Variants in CATSPERT observed in about 807,000 individuals in gnomAD.
The protein encoded by CATSPERT is cation channel sperm-associated targeting subunit tau.
chr2:201,568,986 A>G, the CATSPERT span, among the ~76,000 whole-genome samples: 1 of 152,138 alleles, frequency 6.6e-6, no homozygotes, highest in Non-Finnish European at 1.5e-5. Context: ...ATAAATCCTT[A>G]CTCATTGATG....
the CATSPERT span, among the ~76,000 whole-genome samples, chr2:201,599,995 A>C: frequency 6.6e-6 from 1 of 152,084 alleles, no homozygotes; most frequent in Admixed American, 6.6e-5. Flanking sequence ...AACAACAAAA[A>C]CCTATGCTTA....
the CATSPERT span, among the ~76,000 whole-genome samples, chr2:201,552,392 T>C: frequency 3.9e-5 from 6 of 152,114 alleles, no homozygotes; most frequent in African/African-American, 1.4e-4. Flanking sequence ...AATTATGACA[T>C]TACAAGAATA....
At chr2:201,561,645 G>A in the CATSPERT span, among the ~76,000 whole-genome samples, 4 of 152,156 alleles carry the variant, frequency 2.6e-5, no homozygotes, top group East Asian at 1.9e-4. Context: ...GTCAAGGCAC[G>A]TGGATCATTT....
the CATSPERT span, among the ~76,000 whole-genome samples, chr2:201,551,614 A>G: frequency 2.0e-5 from 3 of 152,240 alleles, no homozygotes; most frequent in African/African-American, 7.2e-5. Context: ...CATTGTGAGT[A>G]TTCACTTTTA....
At chr2:201,615,351 A>G in the CATSPERT span, among the ~76,000 whole-genome samples, 1 of 152,238 alleles carries the variant, frequency 6.6e-6, no homozygotes, top group South Asian at 2.1e-4. Flanking sequence ...ATTATAACAG[A>G]CTGTCTCTCA....
the CATSPERT span, among the ~76,000 whole-genome samples, chr2:201,536,693 A>G: frequency 6.6e-6 from 1 of 151,976 alleles, no homozygotes; most frequent in East Asian, 1.9e-4. Flanking sequence ...ACCATAAATC[A>G]CAACTATATA....
At chr2:201,584,861 A>G in the CATSPERT span, among the ~76,000 whole-genome samples, 2 of 152,166 alleles carry the variant, frequency 1.3e-5, no homozygotes, top group Non-Finnish European at 2.9e-5. Context: ...ATCCAGGTTA[A>G]GCAGCCAATA....
At chr2:201,501,570 G>C in the CATSPERT span, among the ~76,000 whole-genome samples, 5 of 151,848 alleles carry the variant, frequency 3.3e-5, no homozygotes, top group Non-Finnish European at 1.5e-5. Context: ...ATAAAATAGA[G>C]AATAGAAACA....
At chr2:201,560,101 C>T in the CATSPERT span, among the ~76,000 whole-genome samples, 10 of 152,052 alleles carry the variant, frequency 6.6e-5, no homozygotes, top group Non-Finnish European at 1.3e-4. Context: ...AACGGACATT[C>T]TAGAGCTGAA....
At chr2:201,545,474 G>T in the CATSPERT span, 5 of 1,048,690 alleles carry the variant, frequency 4.8e-6, no homozygotes, top group Non-Finnish European at 7.0e-6. Context: ...ATTACTAATT[G>T]TCTTTTTGTG....
At chr2:201,512,823 G>A in the CATSPERT span, among the ~76,000 whole-genome samples, 4 of 151,850 alleles carry the variant, frequency 2.6e-5, no homozygotes, top group Admixed American at 6.6e-5. Context: ...TGGGTCATAG[G>A]GTAGTTGCAT....
the CATSPERT span, among the ~76,000 whole-genome samples, chr2:201,584,788 A>AAAAG: frequency 6.7e-4 from 102 of 152,218 alleles, no homozygotes; most frequent in African/African-American, 1.7e-3. Context: ...GTCTCAAAAA[A>AAAAG]AAAGAAAGAA....
the CATSPERT span, chr2:201,492,405 AT>A: frequency 1.2e-5 from 19 of 1,532,988 alleles, no homozygotes; most frequent in African/African-American, 1.8e-4. Context: ...GTAATAATTC[AT>A]TTTCTGATAA....
At chr2:201,591,536 C>G in the CATSPERT span, among the ~76,000 whole-genome samples, 1 of 151,954 alleles carries the variant, frequency 6.6e-6, no homozygotes, top group Non-Finnish European at 1.5e-5. Context: ...TCATTGGTAG[C>G]TTGATGGGGA....
chr2:201,540,532 T>C, the CATSPERT span, among the ~76,000 whole-genome samples: 1 of 152,220 alleles, frequency 6.6e-6, no homozygotes, highest in African/African-American at 2.4e-5. Flanking sequence ...GCCTGTGCTC[T>C]ATAAATGGAA....
At chr2:201,549,799 T>C in the CATSPERT span, 1 of 152,148 alleles carries the variant, frequency 6.6e-6, no homozygotes, top group Non-Finnish European at 1.5e-5. Context: ...AAATAGATGC[T>C]TAAGAAGTAG....
At chr2:201,529,409 T>A in the CATSPERT span, among the ~76,000 whole-genome samples, 12 of 152,214 alleles carry the variant, frequency 7.9e-5, no homozygotes, top group African/African-American at 2.9e-4. Context: ...CATAAACCAA[T>A]GGAACAGGTA....
the CATSPERT span, among the ~76,000 whole-genome samples, chr2:201,503,247 TA>T: frequency 6.6e-6 from 1 of 152,164 alleles, no homozygotes; most frequent in Non-Finnish European, 1.5e-5. Context: ...CAGTATTTTT[TA>T]AAAATACATT....
At chr2:201,518,707 T>G in the CATSPERT span, among the ~76,000 whole-genome samples, 3 of 152,226 alleles carry the variant, frequency 2.0e-5, no homozygotes, top group Admixed American at 6.5e-5. Context: ...ACAAATGAAT[T>G]CAGTTGGTAA....
Sources: gnomAD v4.1 joint callset for allele counts (sites outside exome capture counted in the v4.1 genomes callset) on GRCh38, gnomAD v4.1.1 for gene constraint, MANE v1.5 for transcripts, NCBI Gene and HGNC (gene_info 2026-07-23, HGNC 2026-07-21) for gene names.